Variants in MACF1 observed in about 807,000 individuals in gnomAD.
The protein encoded by MACF1 is microtubule-actin cross-linking factor 1.
A neutral mutation model predicts 854.8 loss-of-function variants in MACF1; 193 were observed. The ratio of observed to expected loss-of-function variants is 0.23; its 90% CI spans 0.20 to 0.25. MACF1 has a LOEUF of 0.25. MACF1 is among the 10% of genes least tolerant of loss of function. The probability of loss-of-function intolerance (pLI) is 1.00; values close to 1 mark genes in which losing one functional copy is unlikely to be tolerated. For missense variants in MACF1, 7,722 were observed against 8,929.1 expected, an observed-to-expected ratio of 0.86 and a Z score of 5.45; for synonymous variants, 3,185 against 3,226.7, an observed-to-expected ratio of 0.99 and a Z score of 0.44.
intron 1 of MACF1, among the ~76,000 whole-genome samples, chr1:39,211,452 G>C (rs1361710417): frequency 6.6e-6 from 1 of 151,906 alleles, no homozygotes; most frequent in Admixed American, 6.6e-5. Flanking sequence ...TTCATATATA[G>C]AGACCGGGTT....
intron 58 of MACF1, among the ~76,000 whole-genome samples, chr1:39,408,403 C>G (rs955727210): frequency 1.3e-5 from 2 of 152,170 alleles, no homozygotes; most frequent in Non-Finnish European, 2.9e-5. Flanking sequence ...CTGGAGTGTT[C>G]TTCGGTCCGG....
chr1:39,331,323 G>C lies in MACF1; in HGVS notation c.4735G>C (p.Val1579Leu). 1 of 1,613,934 alleles carries C rather than the reference G, an allele frequency of 6.2e-7. No individual in the cohort carries two copies. The highest frequency in any genetic ancestry group is 1.3e-5 in the African/African-American group (1 of 74,944). Residue 1579 changes from valine (V) to leucine (L), a missense_variant, in exon 37 of 101, where the codon GTT (valine) becomes CTT (leucine). Val to Leu is a conservative substitution (Grantham distance 32). Transcript: ENST00000564288. ...DTGLVLLESQVIMSGLIAPET... is the reference protein window; with the variant it reads ...DTGLVLLESQLIMSGLIAPET... The stretch of plus-strand genomic sequence containing the variant: ...AGGCCTAGTGCTTCTGGAATCTCAG[G>C]TTATCATGTCTGGCCTCATTGCCCC...
At chr1:39,412,332 A>T (rs957902470) in intron 58 of MACF1, 41 of 1,614,048 alleles carry the variant, frequency 2.5e-5, no homozygotes, top group Non-Finnish European at 3.5e-5. Context: ...GTGGGAATGT[A>T]ACTGTTAATC....
At chr1:39,123,717 G>GT (rs1170430073) in intron 2 of MACF1, among the ~76,000 whole-genome samples, 60,472 of 99,766 alleles carry the variant, frequency 0.61, 19,964 homozygotes, top group South Asian at 0.74. Flanking sequence ...TTCTTGTTTT[G>GT]TTTTTTTTTT....
chr1:39,296,773 A>AGGAAGG (rs376451604), intron 20 of MACF1, among the ~76,000 whole-genome samples: 1 of 96,332 alleles, frequency 1.0e-5, no homozygotes, highest in Admixed American at 1.1e-4. Flanking sequence ...GAAGGAAGGA[A>AGGAAGG]AAGAAAGAAA....
intron 2 of MACF1, among the ~76,000 whole-genome samples, chr1:39,111,798 A>G (rs1000574928): frequency 2.0e-5 from 3 of 152,146 alleles, no homozygotes; most frequent in Non-Finnish European, 4.4e-5. Context: ...TCAGGTGTGT[A>G]TCTTCTGAAA....
At chr1:39,256,466 C>T (rs1356282886) in intron 5 of MACF1, among the ~76,000 whole-genome samples, 1 of 152,048 alleles carries the variant, frequency 6.6e-6, no homozygotes, top group Non-Finnish European at 1.5e-5. Flanking sequence ...AGAAATGAGG[C>T]CTCCATTTGA....
Position 39,293,759 on chromosome 1 carries a change from C to T in MACF1, c.2154+140C>T, listed in dbSNP as rs570141079. 17 of 670,074 alleles carry T rather than the reference C, an allele frequency of 2.5e-5. No homozygotes were observed. The African/African-American group carries it at 3.1e-4, about 12-fold the overall frequency. The allele number at this position is 670,074 out of a possible 1,614,324, so 41.5% of individuals were successfully genotyped here. ...AGGGGCCCTACTCAATGCATCCATG[C>T]ATGTGAGAAGTGTAAATGGAGAGAG... On this transcript the variant is annotated intron_variant, in intron 18 of 100. Coordinates refer to ENST00000564288, the MANE Select transcript of MACF1 (RefSeq NM_001394062.1).
rs569144164 is a variant in MACF1 at position 39,084,302 on chromosome 1, C to T, written c.84C>T (p.Ser28=). 2.7e-5 allele frequency: 43 copies of T among 1,613,588 alleles called. No individual in the cohort carries two copies. Among genetic ancestry groups the T allele is most frequent in the Middle Eastern group, 3.3e-4 (2 of 6,062 alleles). ...GTCGGAGTGAGCGATCTTACAGGAGCGAGCGGTCGGGGAGCCTGTCTCCCT... is the reference window on the plus strand; with the variant it reads ...GTCGGAGTGAGCGATCTTACAGGAGTGAGCGGTCGGGGAGCCTGTCTCCCT... The change falls in exon 2 of 94, where the codon AGC becomes AGT. Residue 28 remains serine, a synonymous_variant. Coordinates refer to the MACF1 transcript ENST00000361689. The surrounding 1 kb of genome is among the most constrained non-coding windows in gnomAD (Gnocchi z 5.2).
At chr1:39,414,288 A>G in intron 58 of MACF1, 1 of 1,613,994 alleles carries the variant, frequency 6.2e-7, no homozygotes, top group Non-Finnish European at 8.5e-7. Flanking sequence ...CCTTCCTGGG[A>G]GTTTCTGCCC....
At chr1:39,253,378 T>C (rs934358134) in intron 4 of MACF1, among the ~76,000 whole-genome samples, 3 of 152,182 alleles carry the variant, frequency 2.0e-5, no homozygotes, top group African/African-American at 7.2e-5. Context: ...AGGGTGCCCT[T>C]CCTTCAGTGG....
Position 39,438,002 on chromosome 1 carries a change from G to A in MACF1, c.18214G>A (p.Ala6072Thr). The A allele has an allele frequency of 6.2e-7, 1 of 1,613,500 alleles. No homozygotes were observed. Among genetic ancestry groups the A allele is most frequent in the Non-Finnish European group, 8.5e-7 (1 of 1,179,708 alleles). The part of the protein sequence containing the change: ...RSQGADKDLA[A>T]KEIQDKLDQM... ...TCAGGGAGCAGACAAGGATCTGGCT[G>A]CAAAAGGTGCTTGATGATTGTCATT... The change falls in exon 71 of 101, where the codon GCA (alanine) becomes ACA (threonine). Residue 6072 changes from alanine to threonine, a missense_variant. Transcript: ENST00000564288.
In MACF1 at chr1:39,424,071, T is replaced by C; in HGVS notation, c.16193T>C (p.Met5398Thr). ...GATGATCGAAAGGCCACAGTAGACATGCTTCAAGCAGAAGGAGGCAGAATA... is the reference window on the plus strand; with the variant it reads ...GATGATCGAAAGGCCACAGTAGACACGCTTCAAGCAGAAGGAGGCAGAATA... Reference protein sequence around the residue: ...LLDDRKATVDMLQAEGGRIAQ... With the variant: ...LLDDRKATVDTLQAEGGRIAQ... Residue 5398 changes from methionine (M) to threonine (T), a missense_variant, in exon 61 of 101, where the codon ATG (methionine) becomes ACG (threonine). By Grantham distance (81) the Met-to-Thr change is moderately conservative. Coordinates refer to ENST00000564288, the MANE Select transcript of MACF1 (RefSeq NM_001394062.1). The C allele has an allele frequency of 1.2e-6, 2 of 1,610,930 alleles. No homozygotes were observed. Among genetic ancestry groups the C allele is most frequent in the Non-Finnish European group, 1.7e-6 (2 of 1,179,484 alleles).
chr1:39,168,297 T>G (rs1016753136), intron 2 of MACF1, among the ~76,000 whole-genome samples: 1 of 152,244 alleles, frequency 6.6e-6, no homozygotes, highest in South Asian at 2.1e-4. Flanking sequence ...GTTTAAAATA[T>G]TCTCTTCTTT....
chr1:39,382,951 C>CCAT (rs1322073575), intron 56 of MACF1, among the ~76,000 whole-genome samples: 1 of 150,700 alleles, frequency 6.6e-6, no homozygotes, highest in Non-Finnish European at 1.5e-5. Context: ...TGAAACCTTG[C>CCAT]CTCTACTAAA....
At chr1:39,434,960 CTTAG>C (rs1368953892) in intron 69 of MACF1, among the ~76,000 whole-genome samples, 3 of 152,164 alleles carry the variant, frequency 2.0e-5, no homozygotes, top group East Asian at 1.9e-4. Context: ...GTACTTTCTA[CTTAG>C]TTAGGCACCA....
chr1:39,234,563 C>T (rs1401981675), intron 2 of MACF1, among the ~76,000 whole-genome samples: 2 of 112,066 alleles, frequency 1.8e-5, no homozygotes, highest in African/African-American at 6.5e-5. Flanking sequence ...CCCCACCTCC[C>T]TCCCGGACGG....
At chr1:39,417,147 A>G (rs1278975743) in intron 58 of MACF1, among the ~76,000 whole-genome samples, 1 of 152,222 alleles carries the variant, frequency 6.6e-6, no homozygotes, top group Non-Finnish European at 1.5e-5. Flanking sequence ...GTGCAAGTGC[A>G]GACATGGATA....
intron 56 of MACF1, among the ~76,000 whole-genome samples, 161 bp downstream of exon 56, chr1:39,382,313 A>G (rs1650295651): frequency 6.6e-6 from 1 of 152,182 alleles, no homozygotes; most frequent in South Asian, 2.1e-4. Flanking sequence ...TGCCTGTAAA[A>G]TAGTAAACAG....
Sources: allele counts gnomAD v4.1 joint callset (sites outside exome capture counted in the v4.1 genomes callset), GRCh38; gene constraint gnomAD v4.1.1; non-coding constraint Gnocchi (gnomAD v3.1); transcripts MANE v1.5; gene names NCBI Gene and HGNC (gene_info 2026-07-23, HGNC 2026-07-21).